The following DNAH11 variants were observed in gnomAD, a reference collection of about 807,000 sequenced individuals.
DNAH11 encodes axonemal beta dynein heavy chain 11.
In DNAH11, 442 loss-of-function variants were observed where a neutral mutation model predicts 526.0. That is an observed-to-expected ratio of 0.84 (90% CI 0.78 to 0.91). DNAH11 has a LOEUF of 0.91. Among genes scored for constraint, DNAH11 ranks in the 40% least tolerant of loss-of-function variants. DNAH11 has a pLI of 0.00. For synonymous variants in DNAH11, 2,461 were observed against 1,935.9 expected (o/e 1.27, Z -7.12); for missense variants, 6,989 against 5,448.7 (o/e 1.28, Z -8.90).
intron 54 of DNAH11, among the ~76,000 whole-genome samples, chr7:21,756,876 G>A (rs375945909): frequency 2.0e-5 from 3 of 152,144 alleles, no homozygotes; most frequent in South Asian, 2.1e-4. Flanking sequence ...AATGTGGCAC[G>A]TGTCTTCCTT....
chr7:21,824,934 G>C (rs1963782), intron 65 of DNAH11, among the ~76,000 whole-genome samples: 42,431 of 151,966 alleles, frequency 0.28, 7,051 homozygotes, highest in African/African-American at 0.47. Flanking sequence ...TGCAGTGGCG[G>C]GATCTTGGCT....
At chr7:21,848,009 CA>C (rs999087036) in intron 66 of DNAH11, among the ~76,000 whole-genome samples, 2 of 151,252 alleles carry the variant, frequency 1.3e-5, no homozygotes, top group African/African-American at 4.9e-5. Flanking sequence ...ACTAAAAATA[CA>C]AAAAAAATTA....
intron 34 of DNAH11, 95 bp from the exon 35 acceptor site, chr7:21,690,669 TC>T: frequency 1.2e-6 from 1 of 843,266 alleles, no homozygotes; most frequent in Non-Finnish European, 1.9e-6. Context: ...ATAAACAGCT[TC>T]CTAATAATTT....
intron 43 of DNAH11, among the ~76,000 whole-genome samples, chr7:21,719,790 G>A (rs925597358): frequency 3.3e-5 from 5 of 152,172 alleles, no homozygotes; most frequent in African/African-American, 9.7e-5. Flanking sequence ...ATCTGTGATC[G>A]CTTGCGTTGC....
rs528690292 is a variant in DNAH11, at chr7:21,728,073, A to G, written c.7440+2089A>G. ...CTTAATTATCTCTTTTATAAGTCCT[A>G]TTCCCAAATACAGCCACATTCTGAG... is the stretch of plus-strand genomic sequence containing the variant. On this transcript the variant is annotated intron_variant, in intron 45 of 81. Transcript: ENST00000409508. 2.2e-4 allele frequency among the ~76,000 whole-genome samples: 34 copies of G among 151,950 alleles called. No homozygotes were observed. In the Middle Eastern group the frequency reaches 0.014, roughly 61 times the overall value.
chr7:21,575,018 G>A (rs938606669), intron 8 of DNAH11, among the ~76,000 whole-genome samples: 2 of 151,680 alleles, frequency 1.3e-5, no homozygotes, highest in Non-Finnish European at 2.9e-5. Context: ...GGGATTACAG[G>A]AGTGTGCCAC....
Position 21,619,936 on chromosome 7 carries a change from A to AT in DNAH11, c.4378-18dup, listed in dbSNP as rs112373177. The stretch of plus-strand genomic sequence containing the variant: ...TATCAATTAAATTTTGTGCACATTA[A>AT]TTATATTGTTGATTACTAGGTTATT... On this transcript the variant is annotated intron_variant, in intron 24 of 81. Coordinates refer to ENST00000409508, the MANE Select transcript of DNAH11 (RefSeq NM_001277115.2). The AT allele has an allele frequency of 7.6e-6, 12 of 1,568,836 alleles. 1 individual carries two copies. The East Asian group carries it at 1.6e-4, about 21-fold the overall frequency.
At chr7:21,788,261 T>G (rs1163144814) in intron 60 of DNAH11, among the ~76,000 whole-genome samples, 3 of 152,206 alleles carry the variant, frequency 2.0e-5, no homozygotes, top group African/African-American at 7.2e-5. Flanking sequence ...AATATGGAAT[T>G]ACTGAGAAAA....
In DNAH11 at chr7:21,658,394, A is replaced by G. The variant is rs117246284; in HGVS notation, c.5095-404A>G. On this transcript the variant is annotated intron_variant, in intron 29 of 81. Transcript: ENST00000409508. ...ACTGAATTTTTATTATTAAAGCTCT[A>G]GAATATGACTCATACCTCTATAGGT... Among the ~76,000 whole-genome samples the G allele has an allele frequency of 2.6e-4, 40 of 152,312 alleles. No individual in the cohort carries two copies. The East Asian group carries it at 6.8e-3, about 26-fold the overall frequency.
At chr7:21,634,154 A>T (rs1199102245) in intron 25 of DNAH11, among the ~76,000 whole-genome samples, 1 of 152,234 alleles carries the variant, frequency 6.6e-6, no homozygotes, top group Admixed American at 6.5e-5. Context: ...GATGACACTT[A>T]TTATTGGTTT....
chr7:21,706,483 C>G (rs959112170), intron 39 of DNAH11, among the ~76,000 whole-genome samples: 1 of 151,946 alleles, frequency 6.6e-6, no homozygotes. Flanking sequence ...AGACATTTTT[C>G]TAGTGAAAAA....
chr7:21,818,319 G>A lies in DNAH11; in HGVS notation c.10671G>A (p.Arg3557=), dbSNP rs778606962. 3 of 1,604,456 alleles carry A rather than the reference G, an allele frequency of 1.9e-6. No individual in the cohort carries two copies. The highest frequency in any genetic ancestry group is 4.5e-5 in the East Asian group (2 of 44,578). The change falls in exon 65 of 82, where the codon AGG becomes AGA. Residue 3557 remains arginine (R), a synonymous_variant. Coordinates refer to ENST00000409508, the MANE Select transcript of DNAH11 (RefSeq NM_001277115.2). ...CAGTCCTGGATCCACTACTTGGCAG[G>A]AACACAATTAAAAAAGGAAAGTAAG... ...IDPVLDPLLG[R]NTIKKGKYIR...
chr7:21,901,099 C>G lies in DNAH11; in HGVS notation c.13396C>G (p.Pro4466Ala). The G allele has an allele frequency of 2.5e-6, 4 of 1,613,638 alleles. No homozygotes were observed. Among genetic ancestry groups the G allele is most frequent in the Non-Finnish European group, 3.4e-6 (4 of 1,179,628 alleles). Residue 4466 changes from proline to alanine, a missense_variant, in exon 82 of 82, where the codon CCC becomes GCC. Coordinates refer to ENST00000409508, the MANE Select transcript of DNAH11 (RefSeq NM_001277115.2). ...GCCGGTCATCTTTGCAAAAGCCACC[C>G]CCGTGGACAGACAAGAAACCAAACA... ...PMPVIFAKAT[P>A]VDRQETKQTY... is the part of the protein sequence containing the mutation.
rs1213402385 is a variant in DNAH11 at position 21,750,166 on chromosome 7, A to G, written c.8798-56A>G. ...AACATTTCAAACGTTTAAAAGTTAT[A>G]TGTAAAATTTAAATTGCAATGATCT... is the stretch of plus-strand genomic sequence containing the variant. On this transcript the variant is annotated intron_variant, in intron 53 of 81. Coordinates refer to ENST00000409508, the MANE Select transcript of DNAH11 (RefSeq NM_001277115.2). 7.3e-6 allele frequency: 11 copies of G among 1,504,404 alleles called. No homozygotes were observed. In the South Asian group the frequency reaches 7.9e-5, roughly 11 times the overall value. 93.2% of individuals were successfully genotyped at this position (1,504,404 alleles called of 1,614,324 possible).
At chr7:21,792,581 G>T (rs2127989999) in intron 61 of DNAH11, among the ~76,000 whole-genome samples, 1 of 152,176 alleles carries the variant, frequency 6.6e-6, no homozygotes, top group African/African-American at 2.4e-5. Context: ...ACTCATTACT[G>T]GTTTGTTCGG....
chr7:21,783,988 A>G (rs534898222), intron 57 of DNAH11, among the ~76,000 whole-genome samples: 5 of 152,236 alleles, frequency 3.3e-5, no homozygotes, highest in African/African-American at 9.6e-5. Context: ...GGAATAGCCA[A>G]CATGGCTTCT....
At chr7:21,635,105 G>T (rs1786794180) in intron 25 of DNAH11, among the ~76,000 whole-genome samples, 1 of 152,136 alleles carries the variant, frequency 6.6e-6, no homozygotes, top group Admixed American at 6.5e-5. Context: ...AGGGAGGAAA[G>T]TGGAAGCTGG....
At chr7:21,788,217 C>G (rs971447287) in intron 60 of DNAH11, among the ~76,000 whole-genome samples, 1 of 152,166 alleles carries the variant, frequency 6.6e-6, no homozygotes, top group African/African-American at 2.4e-5. Flanking sequence ...GAAGAACTCT[C>G]ATTTTTGTCT....
chr7:21,571,391 C>T (rs530123327), intron 7 of DNAH11, among the ~76,000 whole-genome samples: 9 of 152,068 alleles, frequency 5.9e-5, no homozygotes, highest in African/African-American at 4.8e-5. Context: ...GTGATCCTCC[C>T]GCCTCAGCTT....
Sources: gnomAD v4.1 joint callset for allele counts (sites outside exome capture counted in the v4.1 genomes callset) on GRCh38, gnomAD v4.1.1 for gene constraint, MANE v1.5 for transcripts, NCBI Gene and HGNC (gene_info 2026-07-23, HGNC 2026-07-21) for gene names.